The following DYM variants were observed in gnomAD, a reference collection of about 807,000 sequenced individuals.
DYM encodes the protein dymeclin.
DYM carries 78 observed loss-of-function variants against 93.1 expected under a neutral mutation model. The ratio of observed to expected loss-of-function variants is 0.84; its 90% CI spans 0.70 to 1.01. The LOEUF (loss-of-function observed/expected upper bound fraction) is 1.01, where lower values mean the gene tolerates loss of function less well. Among genes scored for constraint, DYM ranks in the 50% least tolerant of loss-of-function variants. The probability of loss-of-function intolerance (pLI) is 0.00; values close to 1 mark genes in which losing one functional copy is unlikely to be tolerated. For missense variants in DYM, 789 were observed against 845.0 expected (o/e 0.93, Z 0.82); for synonymous variants, 321 against 319.7 (o/e 1.00, Z -0.04).
At chr18:49,342,024 G>A (rs2064200781) in intron 6 of DYM, among the ~76,000 whole-genome samples, 1 of 152,192 alleles carries the variant, frequency 6.6e-6, no homozygotes, top group Non-Finnish European at 1.5e-5. Context: ...TCCAGTACAG[G>A]TCTCACGAGC....
chr18:49,347,959 C>T (rs970729271), intron 6 of DYM, among the ~76,000 whole-genome samples: 5 of 152,204 alleles, frequency 3.3e-5, no homozygotes, highest in African/African-American at 1.2e-4. Context: ...ATCCCAAGAA[C>T]TTTCCACCAT....
chr18:49,425,508 C>A (rs2074187305), intron 2 of DYM, among the ~76,000 whole-genome samples: 1 of 151,992 alleles, frequency 6.6e-6, no homozygotes, highest in South Asian at 2.1e-4. Context: ...TCTAAAACAC[C>A]AAAAGCAATG....
chr18:49,333,472 G>T (rs908995429), intron 7 of DYM, among the ~76,000 whole-genome samples: 12 of 152,204 alleles, frequency 7.9e-5, no homozygotes, highest in Non-Finnish European at 1.5e-5. Context: ...AGAAAAAGAT[G>T]ATTTCAAAGT....
At chr18:49,295,266 T>C (rs1474923120) in intron 8 of DYM, among the ~76,000 whole-genome samples, 1 of 152,196 alleles carries the variant, frequency 6.6e-6, no homozygotes, top group Non-Finnish European at 1.5e-5. Context: ...GCAGAGCTAC[T>C]TGACCTCCAT....
chr18:49,346,170 T>G (rs967507432), intron 6 of DYM, among the ~76,000 whole-genome samples: 2 of 152,180 alleles, frequency 1.3e-5, no homozygotes, highest in African/African-American at 4.8e-5. Flanking sequence ...CACAAAATCT[T>G]GTACATTGAT....
At chr18:49,202,897 G>C (rs529398552) in intron 14 of DYM, among the ~76,000 whole-genome samples, 9 of 135,282 alleles carry the variant, frequency 6.7e-5, no homozygotes, top group African/African-American at 2.5e-4. Flanking sequence ...GTCCGGGAGG[G>C]AGGTTGGGGG....
In DYM at chr18:49,309,996, A is replaced by G. The variant is rs760894219; in HGVS notation, c.763+21868T>C. 3.0e-4 allele frequency among the ~76,000 whole-genome samples: 45 copies of G among 152,250 alleles called. 1 individual carries two copies. Among genetic ancestry groups the G allele is most frequent in the Non-Finnish European group, 5.7e-4 (39 of 68,034 alleles). ...AGCCAGCCATCCCTGTGTTAAGGTA[A>G]AACAGCATGGACGCGTGCAGCACCA... On this transcript the variant is annotated intron_variant, in intron 8 of 17. Coordinates refer to ENST00000675505, the MANE Select transcript of DYM (RefSeq NM_001353214.3).
chr18:49,286,605 T>C lies in DYM; in HGVS notation c.775A>G (p.Thr259Ala), dbSNP rs775662987. 6.2e-7 allele frequency: 1 copy of C among 1,613,850 alleles called. No individual in the cohort carries two copies. The highest frequency in any genetic ancestry group is 1.1e-5 in the South Asian group (1 of 91,076). Residue 259 changes from threonine (T) to alanine (A), a missense_variant, in exon 9 of 18, where the codon ACT (threonine) becomes GCT (alanine). By Grantham distance (58) the Thr-to-Ala change is moderately conservative (BLOSUM62 0). This residue lies in a region of DYM where 450 missense variants were observed against 436.2 expected (regional missense o/e 1.03). Transcript: ENST00000675505. ...CCCACACCACCTAGTGTGAAGACAGTCCAGAGTCCTGCTGGGGAGGAAAAC... is the reference window on the plus strand; with the variant it reads ...CCCACACCACCTAGTGTGAAGACAGCCCAGAGTCCTGCTGGGGAGGAAAAC... Reference protein sequence around the residue: ...LASGVATGLWTVFTLGGVGSK... With the variant: ...LASGVATGLWAVFTLGGVGSK...
At chr18:49,424,652 T>G (rs1434049146) in intron 2 of DYM, among the ~76,000 whole-genome samples, 1 of 152,166 alleles carries the variant, frequency 6.6e-6, no homozygotes, top group Non-Finnish European at 1.5e-5. Context: ...CTCCATCAAC[T>G]CAGTCCAAAA....
At chr18:49,460,088 G>A (rs1420347528) in intron 1 of DYM, among the ~76,000 whole-genome samples, 1 of 152,200 alleles carries the variant, frequency 6.6e-6, no homozygotes, top group East Asian at 1.9e-4. Context: ...AAACCCAACA[G>A]CTATTGCTCA....
chr18:49,441,147 A>T (rs62636862), intron 1 of DYM, among the ~76,000 whole-genome samples: 1 of 1,804 alleles, frequency 5.5e-4, no homozygotes, highest in African/African-American at 8.2e-4. Flanking sequence ...TATATTATAT[A>T]ATATAATATA....
intron 15 of DYM, among the ~76,000 whole-genome samples, chr18:49,121,351 C>G (rs2082363111): frequency 6.6e-6 from 1 of 151,408 alleles, no homozygotes; most frequent in Non-Finnish European, 1.5e-5. Flanking sequence ...ACTAACCCTA[C>G]AAAGAGAAAA....
chr18:49,315,466 A>G (rs1013440126), intron 8 of DYM, among the ~76,000 whole-genome samples: 3 of 152,186 alleles, frequency 2.0e-5, no homozygotes, highest in Non-Finnish European at 4.4e-5. Context: ...GTGATGTTAC[A>G]AACTTCAGAC....
intron 8 of DYM, among the ~76,000 whole-genome samples, chr18:49,289,786 TATACACAC>T (rs2059984009): frequency 1.5e-5 from 1 of 64,908 alleles, no homozygotes; most frequent in African/African-American, 7.0e-5. Context: ...CATATATATA[TATACACAC>T]ATATATATAT....
chr18:49,216,963 A>C (rs1029114916), intron 13 of DYM, among the ~76,000 whole-genome samples: 11 of 152,338 alleles, frequency 7.2e-5, no homozygotes, highest in African/African-American at 2.6e-4. Context: ...TCCGAGCTAC[A>C]GGAGGAAATT....
At chr18:49,215,315 G>C (rs1461025884) in intron 13 of DYM, among the ~76,000 whole-genome samples, 2 of 152,072 alleles carry the variant, frequency 1.3e-5, no homozygotes, top group Admixed American at 6.6e-5. Flanking sequence ...CTCTCCTTTG[G>C]ATACTCAAAC....
chr18:49,297,890 A>T (rs1233654438), intron 8 of DYM, among the ~76,000 whole-genome samples: 1 of 152,136 alleles, frequency 6.6e-6, no homozygotes, highest in Non-Finnish European at 1.5e-5. Flanking sequence ...TTTTCTATTT[A>T]ATCAACATAT....
At chr18:49,267,895 TCAAA>T (rs199695670) in intron 11 of DYM, among the ~76,000 whole-genome samples, 34 of 149,704 alleles carry the variant, frequency 2.3e-4, no homozygotes, top group African/African-American at 3.4e-4. Context: ...AGACTGTGTC[TCAAA>T]CAAACAAACA....
intron 15 of DYM, among the ~76,000 whole-genome samples, chr18:49,161,960 A>C (rs2087208371): frequency 6.6e-6 from 1 of 152,228 alleles, no homozygotes; most frequent in African/African-American, 2.4e-5. Flanking sequence ...AGAGTTCTCT[A>C]ATAAAGTTTC....
Sources: allele counts gnomAD v4.1 joint callset (sites outside exome capture counted in the v4.1 genomes callset), GRCh38; gene constraint gnomAD v4.1.1; regional missense constraint gnomAD v4.1.1; transcripts MANE v1.5; gene names NCBI Gene and HGNC (gene_info 2026-07-23, HGNC 2026-07-21).